Variants in GLI2 observed in about 807,000 individuals in gnomAD.
GLI2 encodes the protein GLI family zinc finger 2, also known as transcription activator GLI2.
In GLI2, 22 loss-of-function variants were observed where a neutral mutation model predicts 78.9. The observed-to-expected ratio is 0.28, with a 90% CI of 0.20 to 0.40. The LOEUF is 0.40. Ranked by LOEUF, GLI2 falls within the 10% of genes least tolerant of loss-of-function variation. The pLI is 1.00. For missense variants in GLI2, 2,097 were observed against 2,213.2 expected (o/e 0.95, Z 1.05); for synonymous variants, 974 against 963.7 (o/e 1.01, Z -0.20).
chr2:120,860,477 C>T (rs1471561808), intron 2 of GLI2, among the ~76,000 whole-genome samples: 1 of 152,180 alleles, frequency 6.6e-6, no homozygotes, highest in Non-Finnish European at 1.5e-5. Flanking sequence ...CTCAGAGGGC[C>T]CCCTGGGACT....
chr2:120,876,770 C>T lies in GLI2; in HGVS notation c.149-50591C>T, dbSNP rs566214280. On this transcript the variant is annotated intron_variant, in intron 2 of 13. Coordinates refer to ENST00000361492, the MANE Select transcript of GLI2 (RefSeq NM_001374353.1). ...TTCTGCTGGCTCTGCTGAGGCCGCC[C>T]ATGTCAGGGTCAGGCACGTGGGGTC... Among the ~76,000 whole-genome samples the T allele has an allele frequency of 1.2e-4, 18 of 152,180 alleles. No individual in the cohort carries two copies. The South Asian group carries it at 2.3e-3, about 19-fold the overall frequency.
chr2:120,897,553 T>C (rs1678041114), intron 2 of GLI2, among the ~76,000 whole-genome samples: 1 of 152,196 alleles, frequency 6.6e-6, no homozygotes, highest in Non-Finnish European at 1.5e-5. Flanking sequence ...GGCCAGGGGA[T>C]TGATTCTGTT....
chr2:120,886,934 C>A (rs1339394584), intron 2 of GLI2, among the ~76,000 whole-genome samples: 1 of 152,214 alleles, frequency 6.6e-6, no homozygotes, highest in South Asian at 2.1e-4. Flanking sequence ...CTGGGGCTCA[C>A]GCAAGGGCTG....
intron 2 of GLI2, among the ~76,000 whole-genome samples, chr2:120,894,026 G>GCCC (rs1458933265): frequency 6.6e-6 from 1 of 152,224 alleles, no homozygotes; most frequent in Non-Finnish European, 1.5e-5. Flanking sequence ...TTTCTTCCCA[G>GCCC]CCCGCTGCAT....
chr2:120,887,101 G>A (rs919689851), intron 2 of GLI2, among the ~76,000 whole-genome samples: 1 of 152,160 alleles, frequency 6.6e-6, no homozygotes, highest in African/African-American at 2.4e-5. Flanking sequence ...CACCTCAGAC[G>A]CTGGCCCCCG....
chr2:120,899,377 T>C (rs557078248), intron 2 of GLI2, among the ~76,000 whole-genome samples: 1 of 151,508 alleles, frequency 6.6e-6, no homozygotes, highest in Admixed American at 6.6e-5. Context: ...TCTTTTTCTC[T>C]CTCATACACA....
intron 2 of GLI2, among the ~76,000 whole-genome samples, chr2:120,881,947 A>G (rs1277635220): frequency 3.9e-5 from 6 of 151,994 alleles, no homozygotes; most frequent in Admixed American, 3.9e-4. Flanking sequence ...CCCAGCAACC[A>G]AAGATAGCTG....
At chr2:120,744,526 T>C (rs1682642527) in intron 1 of GLI2, among the ~76,000 whole-genome samples, 1 of 152,220 alleles carries the variant, frequency 6.6e-6, no homozygotes, top group South Asian at 2.1e-4. Context: ...ACCGAAGATG[T>C]GGTACATAAT....
At chr2:120,772,676 T>C (rs1012597720) in intron 1 of GLI2, among the ~76,000 whole-genome samples, 2 of 152,234 alleles carry the variant, frequency 1.3e-5, no homozygotes, top group Non-Finnish European at 1.5e-5. Flanking sequence ...TGGACAAATG[T>C]TTTAAGAGTA....
At chr2:120,975,133 C>T in intron 9 of GLI2, 24 bp downstream of exon 9, 1 of 1,612,560 alleles carries the variant, frequency 6.2e-7, no homozygotes, top group Non-Finnish European at 8.5e-7. Flanking sequence ...CCCCAGCAGC[C>T]CGCCAACCGG....
rs573523032 is a variant in GLI2, at chr2:120,903,926, A to G, written c.149-23435A>G. The stretch of plus-strand genomic sequence containing the variant: ...TGACTTCACATGGGCCAAGAAACTC[A>G]GGGGTTCATTGCTGCAGGTGGGCTT... On this transcript the variant is annotated intron_variant, in intron 2 of 13. Transcript: ENST00000361492. 6.2e-4 allele frequency among the ~76,000 whole-genome samples: 94 copies of G among 152,214 alleles called. 3 individuals carry two copies. In the South Asian group the frequency reaches 6.6e-3, roughly 11 times the overall value.
intron 2 of GLI2, among the ~76,000 whole-genome samples, chr2:120,893,005 G>A (rs965029644): frequency 3.9e-5 from 6 of 152,226 alleles, no homozygotes; most frequent in African/African-American, 1.2e-4. Flanking sequence ...CCGCTAACCC[G>A]AGGAGTGACC....
At chr2:120,927,305 C>CT in intron 2 of GLI2, 56 bp from the exon 3 acceptor site, 1 of 1,283,966 alleles carries the variant, frequency 7.8e-7, no homozygotes, top group Non-Finnish European at 1.1e-6. Flanking sequence ...TTGAAAGTAG[C>CT]TTTTTGAGGG....
intron 7 of GLI2, among the ~76,000 whole-genome samples, chr2:120,971,419 C>G (rs1468313272): frequency 6.6e-6 from 1 of 152,266 alleles, no homozygotes; most frequent in Non-Finnish European, 1.5e-5. Context: ...GAAGTGTCCT[C>G]TGTTCCAGAA....
chr2:120,783,901 C>T (rs940545002), intron 1 of GLI2, among the ~76,000 whole-genome samples: 8 of 152,230 alleles, frequency 5.3e-5, no homozygotes, highest in African/African-American at 1.9e-4. Flanking sequence ...GGTAGAATTT[C>T]AGGTGGGGAG....
intron 2 of GLI2, among the ~76,000 whole-genome samples, chr2:120,925,847 C>T (rs556946877): frequency 6.6e-5 from 10 of 150,434 alleles, no homozygotes; most frequent in South Asian, 2.1e-4. Flanking sequence ...CCGAGGCGGG[C>T]GGATCACAAG....
chr2:120,872,175 T>C (rs1040502019), intron 2 of GLI2, among the ~76,000 whole-genome samples: 1 of 152,156 alleles, frequency 6.6e-6, no homozygotes, highest in African/African-American at 2.4e-5. Flanking sequence ...TCCAAGCCCA[T>C]AGCTGTGGTC....
At chr2:120,802,141 C>T (rs951770699) in intron 2 of GLI2, among the ~76,000 whole-genome samples, 2 of 152,192 alleles carry the variant, frequency 1.3e-5, no homozygotes, top group African/African-American at 4.8e-5. Flanking sequence ...TCACCTACCT[C>T]GACTGGCCTC....
chr2:120,988,066 G>GAGAA lies in GLI2; in HGVS notation c.2243-135_2243-132dup, dbSNP rs555732503. The GAGAA allele has an allele frequency of 5.8e-6, 4 of 686,314 alleles. No individual in the cohort carries two copies. The Admixed American group carries it at 8.9e-5, about 15-fold the overall frequency. The allele number at this position is 686,314 out of a possible 1,614,324, so 42.5% of individuals were successfully genotyped here. A position where few individuals can be genotyped will look rare whatever the true frequency, so the allele number is the denominator to read the frequency against. ...AATCCTGTCTCTAAAAAGAGAAAGA[G>GAGAA]AGAAAGAAAGCATGCATCTCCTGAG... On this transcript the variant is annotated intron_variant, in intron 13 of 13. Transcript: ENST00000361492.
Sources: gnomAD v4.1 joint callset for allele counts (sites outside exome capture counted in the v4.1 genomes callset) on GRCh38, gnomAD v4.1.1 for gene constraint, MANE v1.5 for transcripts, NCBI Gene and HGNC (gene_info 2026-07-23, HGNC 2026-07-21) for gene names.